GALNT13: variants seen among roughly 807,000 people sequenced by gnomAD.
The protein encoded by GALNT13 is polypeptide N-acetylgalactosaminyltransferase 13.
Under a neutral mutation model 64.2 loss-of-function variants are expected in GALNT13, and 28 were observed. That is an observed-to-expected ratio of 0.44 (90% CI 0.32 to 0.60). The LOEUF (loss-of-function observed/expected upper bound fraction) is 0.60, where lower values mean the gene tolerates loss of function less well. GALNT13 is among the 20% of genes least tolerant of loss of function. The probability of loss-of-function intolerance (pLI) is 0.05; values close to 1 mark genes in which losing one functional copy is unlikely to be tolerated. For missense variants in GALNT13, 577 were observed against 669.8 expected, an observed-to-expected ratio of 0.86 and a Z score of 1.53; for synonymous variants, 214 against 224.6, an observed-to-expected ratio of 0.95 and a Z score of 0.42.
At chr2:153,481,728 A>G in the GALNT13 span, among the ~76,000 whole-genome samples, 199 of 152,296 alleles carry the variant, frequency 1.3e-3, 1 homozygote, top group African/African-American at 4.4e-3. Context: ...TGCATTCTGT[A>G]AAGGTATTTT....
the GALNT13 span, among the ~76,000 whole-genome samples, chr2:153,381,922 T>C: frequency 1.3e-5 from 2 of 152,086 alleles, no homozygotes; most frequent in African/African-American, 4.8e-5. Context: ...GGCTTTCTAA[T>C]CATTTTCACT....
intron 4 of GALNT13, among the ~76,000 whole-genome samples, chr2:154,212,898 G>A (rs953429727): frequency 6.6e-6 from 1 of 151,678 alleles, no homozygotes; most frequent in Non-Finnish European, 1.5e-5. Flanking sequence ...AATCTCAATG[G>A]TAGAAATAGA....
At chr2:153,542,003 G>A in the GALNT13 span, among the ~76,000 whole-genome samples, 1 of 152,102 alleles carries the variant, frequency 6.6e-6, no homozygotes, top group African/African-American at 2.4e-5. Context: ...CTGACAAGTT[G>A]CAAACGAATA....
chr2:153,627,463 T>C, the GALNT13 span, among the ~76,000 whole-genome samples: 1 of 152,090 alleles, frequency 6.6e-6, no homozygotes, highest in African/African-American at 2.4e-5. Flanking sequence ...GAGCAGCTTA[T>C]GTAGACTTGA....
the GALNT13 span, among the ~76,000 whole-genome samples, chr2:153,093,109 A>G: frequency 4.6e-5 from 7 of 152,034 alleles, no homozygotes; most frequent in Non-Finnish European, 8.8e-5. Flanking sequence ...AATAGAATTT[A>G]TCACCTGGTT....
chr2:153,135,708 A>C, the GALNT13 span, among the ~76,000 whole-genome samples: 1 of 151,948 alleles, frequency 6.6e-6, no homozygotes, highest in Non-Finnish European at 1.5e-5. Flanking sequence ...ATACTTTTGG[A>C]TTTTAATAGG....
At chr2:153,441,656 T>C in the GALNT13 span, among the ~76,000 whole-genome samples, 1 of 152,206 alleles carries the variant, frequency 6.6e-6, no homozygotes, top group Non-Finnish European at 1.5e-5. Flanking sequence ...CTTGAAGAGG[T>C]CCTTCACATC....
chr2:153,862,074 A>G, the GALNT13 span, among the ~76,000 whole-genome samples: 1 of 152,202 alleles, frequency 6.6e-6, no homozygotes, highest in Non-Finnish European at 1.5e-5. Context: ...GTCCTATTGT[A>G]TGTTTTATGA....
At chr2:153,974,494 C>A (rs1159417306) in intron 3 of GALNT13, among the ~76,000 whole-genome samples, 1 of 151,884 alleles carries the variant, frequency 6.6e-6, no homozygotes, top group Non-Finnish European at 1.5e-5. Flanking sequence ...ATGTGCTAGT[C>A]ACTTCTGTAG....
chr2:154,022,023 T>G (rs574392921), intron 3 of GALNT13, among the ~76,000 whole-genome samples: 1 of 152,340 alleles, frequency 6.6e-6, no homozygotes, highest in Non-Finnish European at 1.5e-5. Context: ...TTGCGTATGT[T>G]GAACCAGCCT....
At chr2:153,527,076 T>A in the GALNT13 span, among the ~76,000 whole-genome samples, 1 of 151,142 alleles carries the variant, frequency 6.6e-6, no homozygotes, top group Non-Finnish European at 1.5e-5. Context: ...AATCTAAGAG[T>A]TATTGGCCTT....
the GALNT13 span, among the ~76,000 whole-genome samples, chr2:153,148,593 T>G: frequency 1.3e-5 from 2 of 151,746 alleles, no homozygotes; most frequent in Non-Finnish European, 2.9e-5. Flanking sequence ...TAAGGTGTAT[T>G]CATTTACTTC....
At chr2:153,148,027 C>T in the GALNT13 span, among the ~76,000 whole-genome samples, 1 of 151,728 alleles carries the variant, frequency 6.6e-6, no homozygotes, top group Non-Finnish European at 1.5e-5. Flanking sequence ...GGATAGATTC[C>T]TATTTTCTAA....
chr2:154,420,798 G>A (rs904370961), intron 11 of GALNT13, among the ~76,000 whole-genome samples: 20 of 151,916 alleles, frequency 1.3e-4, no homozygotes, highest in South Asian at 4.1e-4. Context: ...TTATTTTCTA[G>A]GTAAGGTAAA....
chr2:153,324,957 C>T, the GALNT13 span, among the ~76,000 whole-genome samples: 2 of 151,962 alleles, frequency 1.3e-5, no homozygotes, highest in East Asian at 3.9e-4. Flanking sequence ...TTTGTTGTGT[C>T]TCCACCAGGT....
intron 1 of GALNT13, among the ~76,000 whole-genome samples, chr2:153,893,179 T>C (rs1214335351): frequency 6.6e-6 from 1 of 152,110 alleles, no homozygotes; most frequent in Non-Finnish European, 1.5e-5. Flanking sequence ...AAGGAGAGAT[T>C]AGACACTGGC....
chr2:153,809,086 C>G, the GALNT13 span, among the ~76,000 whole-genome samples: 1 of 152,162 alleles, frequency 6.6e-6, no homozygotes, highest in Non-Finnish European at 1.5e-5. Flanking sequence ...AAATGACTCT[C>G]ATATTTTCTC....
At chr2:153,406,731 A>G in the GALNT13 span, among the ~76,000 whole-genome samples, 1 of 152,190 alleles carries the variant, frequency 6.6e-6, no homozygotes, top group Non-Finnish European at 1.5e-5. Flanking sequence ...AGCATTTTAA[A>G]CAGCATTTAC....
the GALNT13 span, among the ~76,000 whole-genome samples, chr2:153,667,908 C>T: frequency 2.6e-5 from 4 of 151,802 alleles, no homozygotes; most frequent in South Asian, 8.3e-4. Flanking sequence ...CACCTGTAGG[C>T]CCAAAATAAA....
Sources: allele counts gnomAD v4.1 joint callset (sites outside exome capture counted in the v4.1 genomes callset), GRCh38; gene constraint gnomAD v4.1.1; transcripts MANE v1.5; gene names NCBI Gene and HGNC (gene_info 2026-07-23, HGNC 2026-07-21).